GREB1L: variants seen among roughly 807,000 people sequenced by gnomAD.
GREB1L encodes the protein GREB1 like retinoic acid receptor coactivator, also known as GREB1-like protein.
A neutral mutation model predicts 200.8 loss-of-function variants in GREB1L; 17 were observed. That is an observed-to-expected ratio of 0.08 (90% CI 0.06 to 0.13). The LOEUF (loss-of-function observed/expected upper bound fraction) is 0.13. Ranked by LOEUF, GREB1L falls within the 10% of genes least tolerant of loss-of-function variation. The pLI is 1.00. For missense variants in GREB1L, 1,657 were observed against 2,367.7 expected, an observed-to-expected ratio of 0.70 and a Z score of 6.23; for synonymous variants, 789 against 893.0, an observed-to-expected ratio of 0.88 and a Z score of 2.08.
At chr18:21,384,091 T>C in intron 3 of GREB1L, 115 bp from the exon 4 acceptor site, 1 of 746,308 alleles carries the variant, frequency 1.3e-6, no homozygotes, top group Non-Finnish European at 2.2e-6. Context: ...TGAGATAAAT[T>C]GGCTAAATGT....
intron 7 of GREB1L, among the ~76,000 whole-genome samples, chr18:21,416,838 C>T (rs1489610176): frequency 6.6e-6 from 1 of 151,684 alleles, no homozygotes; most frequent in Non-Finnish European, 1.5e-5. Context: ...CCAGCCTGGA[C>T]AACATGGTGA....
At chr18:21,297,371 C>T (rs1010213912) in intron 1 of GREB1L, among the ~76,000 whole-genome samples, 4 of 152,116 alleles carry the variant, frequency 2.6e-5, no homozygotes, top group African/African-American at 9.7e-5. Flanking sequence ...AAGAAGTCTC[C>T]TCTGGTTATC....
chr18:21,477,128 A>G, intron 16 of GREB1L, 36 bp from the exon 17 acceptor site: 1 of 1,408,202 alleles, frequency 7.1e-7, no homozygotes, highest in Non-Finnish European at 9.7e-7. Context: ...TACTTGGTTA[A>G]ATGAGGTATT....
chr18:21,489,386 A>G (rs1282922273), intron 18 of GREB1L, among the ~76,000 whole-genome samples: 1 of 152,186 alleles, frequency 6.6e-6, no homozygotes, highest in Non-Finnish European at 1.5e-5. Context: ...AAAGATAGAA[A>G]TTGCTATCTG....
At chr18:21,478,048 C>G (rs1197869904) in intron 17 of GREB1L, among the ~76,000 whole-genome samples, 3 of 152,166 alleles carry the variant, frequency 2.0e-5, no homozygotes, top group Non-Finnish European at 4.4e-5. Context: ...GAGACCTGGA[C>G]ATTTTATTGT....
intron 5 of GREB1L, among the ~76,000 whole-genome samples, chr18:21,396,036 C>T (rs1167657490): frequency 6.7e-6 from 1 of 148,852 alleles, no homozygotes; most frequent in Admixed American, 6.7e-5. Context: ...TATTTATTTT[C>T]TTTCTTTTTT....
At chr18:21,381,720 T>C (rs762591880) in intron 2 of GREB1L, among the ~76,000 whole-genome samples, 5 of 152,162 alleles carry the variant, frequency 3.3e-5, no homozygotes, top group Non-Finnish European at 5.9e-5. Flanking sequence ...AGTAGTTTGA[T>C]GATGTGCCCA....
At chr18:21,391,939 G>A (rs1598745264) in intron 4 of GREB1L, among the ~76,000 whole-genome samples, 1 of 151,938 alleles carries the variant, frequency 6.6e-6, no homozygotes, top group Non-Finnish European at 1.5e-5. Flanking sequence ...CCTCCCGAGT[G>A]CCTGGGACTA....
chr18:21,375,070 G>GTT (rs57090481), intron 2 of GREB1L, among the ~76,000 whole-genome samples: 4 of 142,098 alleles, frequency 2.8e-5, no homozygotes, highest in Non-Finnish European at 4.7e-5. Flanking sequence ...TTTTGTTTTT[G>GTT]TTTTTTTTTT....
chr18:21,461,116 G>GA (rs954475665), intron 15 of GREB1L, among the ~76,000 whole-genome samples: 1 of 148,186 alleles, frequency 6.7e-6, no homozygotes, highest in Non-Finnish European at 1.5e-5. Context: ...AAAAGAAAAA[G>GA]AAAAAAAACC....
chr18:21,258,974 G>T (rs1163060444), intron 1 of GREB1L, among the ~76,000 whole-genome samples: 2 of 152,134 alleles, frequency 1.3e-5, no homozygotes, highest in Non-Finnish European at 2.9e-5. Context: ...GACATTTCCT[G>T]TACAGTATAG....
intron 7 of GREB1L, among the ~76,000 whole-genome samples, chr18:21,428,609 T>G (rs2032840360): frequency 6.7e-6 from 1 of 149,104 alleles, no homozygotes; most frequent in Non-Finnish European, 1.5e-5. Flanking sequence ...CAGCTATAAA[T>G]CTCACTTAGC....
intron 23 of GREB1L, among the ~76,000 whole-genome samples, chr18:21,503,268 A>G (rs1054847935): frequency 3.3e-5 from 5 of 150,124 alleles, no homozygotes; most frequent in African/African-American, 7.3e-5. Context: ...GTGCAGTGGT[A>G]TGATCTCGGC....
chr18:21,306,505 G>C (rs2038702379), intron 1 of GREB1L, among the ~76,000 whole-genome samples: 1 of 152,166 alleles, frequency 6.6e-6, no homozygotes, highest in South Asian at 2.1e-4. Context: ...TTTGCAACTT[G>C]ATGTGTTATG....
chr18:21,515,852 T>A (rs1354337280), intron 29 of GREB1L, among the ~76,000 whole-genome samples: 2 of 152,310 alleles, frequency 1.3e-5, no homozygotes, highest in East Asian at 3.9e-4. Flanking sequence ...CAATGTGAAA[T>A]GCTTAGAGAA....
At chr18:21,464,052 T>G (rs2035167015) in intron 15 of GREB1L, among the ~76,000 whole-genome samples, 1 of 151,672 alleles carries the variant, frequency 6.6e-6, no homozygotes, top group African/African-American at 2.4e-5. Flanking sequence ...AACCCATGAG[T>G]CCAGAACAAT....
intron 1 of GREB1L, among the ~76,000 whole-genome samples, chr18:21,313,510 G>A (rs1033963884): frequency 2.0e-5 from 3 of 152,192 alleles, no homozygotes; most frequent in African/African-American, 7.2e-5. Context: ...ATGTAGACAA[G>A]GTTGCCCAGC....
intron 19 of GREB1L, among the ~76,000 whole-genome samples, chr18:21,494,887 C>T (rs1598925597): frequency 6.6e-6 from 1 of 152,114 alleles, no homozygotes; most frequent in East Asian, 1.9e-4. Flanking sequence ...GATTACTTTT[C>T]ATTGATATGT....
intron 1 of GREB1L, among the ~76,000 whole-genome samples, chr18:21,274,719 C>T (rs1469219103): frequency 6.6e-6 from 1 of 151,618 alleles, no homozygotes; most frequent in East Asian, 1.9e-4. Flanking sequence ...CATGGTGAAA[C>T]CCTGTCTCTA....
Sources: allele counts gnomAD v4.1 joint callset (sites outside exome capture counted in the v4.1 genomes callset), GRCh38; gene constraint gnomAD v4.1.1; transcripts MANE v1.5; gene names NCBI Gene and HGNC (gene_info 2026-07-23, HGNC 2026-07-21).